The following LRRFIP1 variants were observed in gnomAD, a reference collection of about 807,000 sequenced individuals.
LRRFIP1 encodes the protein LRR binding FLII interacting protein 1, also known as leucine-rich repeat flightless-interacting protein 1.
LRRFIP1 carries 62 observed loss-of-function variants against 104.4 expected under a neutral mutation model. The observed-to-expected ratio is 0.59, with a 90% CI of 0.48 to 0.73. The LOEUF is 0.73. LRRFIP1 is among the 30% of genes least tolerant of loss of function. LRRFIP1 has a pLI of 0.00. For synonymous variants in LRRFIP1, 300 were observed against 299.0 expected, an observed-to-expected ratio of 1.00 and a Z score of -0.03; for missense variants, 796 against 824.5, an observed-to-expected ratio of 0.97 and a Z score of 0.42.
In LRRFIP1 at chr2:237,691,493, A is replaced by T. The variant is rs539346333; in HGVS notation, c.97-17051A>T. Among the ~76,000 whole-genome samples the T allele has an allele frequency of 3.8e-4, 57 of 152,000 alleles. No individual in the cohort carries two copies. Among genetic ancestry groups the T allele is most frequent in the Non-Finnish European group, 7.7e-4 (52 of 67,956 alleles). Reference sequence around the variant, plus strand: ...CCCTGCGGGCCGCCGCACCGGGCCAAGGGGGGCTGTGTGCACGCAGCTGCG... The same window carrying T: ...CCCTGCGGGCCGCCGCACCGGGCCATGGGGGGCTGTGTGCACGCAGCTGCG... On this transcript the variant is annotated intron_variant, in intron 1 of 23. Transcript: ENST00000308482. The surrounding 1 kb of genome is among the most constrained non-coding windows in gnomAD (Gnocchi z 5.4).
At position 237,721,800 on chromosome 2, in the gene LRRFIP1, A is replaced by G. The variant is rs1010185491; in HGVS notation, c.345+978A>G. 5 of 152,228 alleles carry G rather than the reference A, an allele frequency of 3.3e-5. No individual in the cohort carries two copies. In the East Asian group the frequency reaches 7.7e-4, roughly 23 times the overall value. The allele number at this position is 152,228 out of a possible 1,614,324, so 9.4% of individuals were successfully genotyped here. A position where few individuals can be genotyped will look rare whatever the true frequency, so the allele number is the denominator to read the frequency against. On this transcript the variant is annotated intron_variant, in intron 6 of 23. Transcript: ENST00000308482. ...TCCTTGTCAGTGTCCTTGCAGTGCC[A>G]AAAGCAGATCCGTAGTGATTTTGCC...
At chr2:237,774,263 T>C in intron 22 of LRRFIP1, 95 bp from the exon 23 acceptor site, 1 of 742,480 alleles carries the variant, frequency 1.3e-6, no homozygotes, top group Non-Finnish European at 2.3e-6. Flanking sequence ...TTCTCCCATT[T>C]TATTAAATCA....
intron 1 of LRRFIP1, among the ~76,000 whole-genome samples, chr2:237,632,173 C>G (rs1165027915): frequency 6.7e-6 from 1 of 150,348 alleles, no homozygotes; most frequent in African/African-American, 2.4e-5. Flanking sequence ...TCACACTGCC[C>G]CCAAGGAGTC....
At chr2:237,695,982 C>T (rs200008842) in intron 1 of LRRFIP1, among the ~76,000 whole-genome samples, 5 of 151,908 alleles carry the variant, frequency 3.3e-5, no homozygotes, top group Non-Finnish European at 5.9e-5. Context: ...TAAACCAAAA[C>T]ACACACACAC....
chr2:237,708,755 C>A, intron 2 of LRRFIP1, 125 bp downstream of exon 2: 1 of 1,087,214 alleles, frequency 9.2e-7, no homozygotes, highest in Non-Finnish European at 1.4e-6. Flanking sequence ...GGTCAGAGTG[C>A]GTTTGCGCCT....
At chr2:237,759,406 C>T (rs1319751417) in intron 18 of LRRFIP1, among the ~76,000 whole-genome samples, 1 of 152,128 alleles carries the variant, frequency 6.6e-6, no homozygotes, top group African/African-American at 2.4e-5. Flanking sequence ...AAAGCCAGAG[C>T]AGTGAGCCAG....
chr2:237,764,849 C>G (rs1377195984), intron 19 of LRRFIP1: 1 of 985,594 alleles, frequency 1.0e-6, no homozygotes, highest in East Asian at 1.1e-4. Context: ...ATTTTAACTT[C>G]ACTTCATGCT....
At chr2:237,761,848 G>T (rs1297441632) in intron 19 of LRRFIP1, among the ~76,000 whole-genome samples, 1 of 152,106 alleles carries the variant, frequency 6.6e-6, no homozygotes, top group African/African-American at 2.4e-5. Context: ...GGTTTTGTTT[G>T]GAGAGTCCAA....
chr2:237,667,942 C>A (rs1475395102), intron 1 of LRRFIP1, among the ~76,000 whole-genome samples: 1 of 152,114 alleles, frequency 6.6e-6, no homozygotes, highest in African/African-American at 2.4e-5. Flanking sequence ...ATTTACAGTA[C>A]ACCCTTTAGC....
intron 23 of LRRFIP1, 98 bp downstream of exon 23, chr2:237,774,560 G>A: frequency 3.8e-6 from 3 of 798,386 alleles, no homozygotes; most frequent in Middle Eastern, 2.3e-4. Flanking sequence ...ATCTGCCCCT[G>A]GGCTGGTCAT....
chr2:237,710,936 C>T (rs992798303), intron 2 of LRRFIP1, among the ~76,000 whole-genome samples: 3 of 152,180 alleles, frequency 2.0e-5, no homozygotes, highest in African/African-American at 7.2e-5. Context: ...TGGCATGCAC[C>T]TGTAGTCCCA....
chr2:237,628,030 G>A (rs2081839190), intron 1 of LRRFIP1, among the ~76,000 whole-genome samples: 1 of 151,638 alleles, frequency 6.6e-6, no homozygotes, highest in Non-Finnish European at 1.5e-5. Flanking sequence ...CTGCGCCCTC[G>A]GGAGAGGAGC....
Position 237,724,741 on chromosome 2 carries a change from T to C in LRRFIP1, c.384+1155T>C, listed in dbSNP as rs1448445382. Among the ~76,000 whole-genome samples the C allele has an allele frequency of 2.6e-5, 4 of 152,240 alleles. No individual in the cohort carries two copies. The East Asian group carries it at 7.7e-4, about 29-fold the overall frequency. ...TTTATGTTAAATTCAAAGTAAATTT[T>C]GTTTAAGAGCTAGCCCCCAGTGGGA... On this transcript the variant is annotated intron_variant, in intron 7 of 23. Coordinates refer to ENST00000308482, the MANE Select transcript of LRRFIP1 (RefSeq NM_001137550.2).
At chr2:237,646,139 C>T (rs1559461774) in intron 1 of LRRFIP1, among the ~76,000 whole-genome samples, 1 of 151,652 alleles carries the variant, frequency 6.6e-6, no homozygotes, top group Non-Finnish European at 1.5e-5. Flanking sequence ...ACATAAACAT[C>T]GATATTCTGA....
intron 1 of LRRFIP1, among the ~76,000 whole-genome samples, chr2:237,685,755 C>T (rs1437137861): frequency 2.6e-5 from 4 of 152,190 alleles, no homozygotes. Flanking sequence ...CTTTCAGCCT[C>T]CAGACAGGCT....
chr2:237,771,301 C>A (rs1427214458), intron 20 of LRRFIP1, among the ~76,000 whole-genome samples: 6 of 114,256 alleles, frequency 5.3e-5, no homozygotes, highest in Non-Finnish European at 6.9e-5. Context: ...TTGAAATATT[C>A]CAAAAAAAAA....
chr2:237,742,047 CACTT>C (rs1402119417), intron 11 of LRRFIP1, among the ~76,000 whole-genome samples: 3 of 152,112 alleles, frequency 2.0e-5, no homozygotes, highest in Non-Finnish European at 4.4e-5. Flanking sequence ...TCAATATAGT[CACTT>C]AGAGATTGAA....
intron 6 of LRRFIP1, 78 bp from the exon 7 acceptor site, chr2:237,723,470 T>C: frequency 7.1e-7 from 1 of 1,413,860 alleles, no homozygotes. Context: ...TGTATTTATG[T>C]TTTACTTAGC....
chr2:237,765,019 T>A (rs1383286117), intron 19 of LRRFIP1: 1 of 959,714 alleles, frequency 1.0e-6, no homozygotes, highest in African/African-American at 1.8e-5. Flanking sequence ...CTCAGTACAT[T>A]GGGAGGCCAA....
Sources: allele counts gnomAD v4.1 joint callset (sites outside exome capture counted in the v4.1 genomes callset), GRCh38; gene constraint gnomAD v4.1.1; non-coding constraint Gnocchi (gnomAD v3.1); transcripts MANE v1.5; gene names NCBI Gene and HGNC (gene_info 2026-07-23, HGNC 2026-07-21).